Variants in SHANK2 observed in about 807,000 individuals in gnomAD.
The protein encoded by SHANK2 is SH3 and multiple ankyrin repeat domains protein 2.
Under a neutral mutation model 133.7 loss-of-function variants are expected in SHANK2, and 43 were observed. The ratio of observed to expected loss-of-function variants is 0.32; its 90% CI spans 0.25 to 0.41. The LOEUF (loss-of-function observed/expected upper bound fraction) is 0.41, where lower values mean the gene tolerates loss of function less well. Among genes scored for constraint, SHANK2 ranks in the 10% least tolerant of loss-of-function variants. The pLI is 1.00. For synonymous variants in SHANK2, 1,017 were observed against 952.8 expected, an observed-to-expected ratio of 1.07 and a Z score of -1.24; for missense variants, 1,994 against 2,235.8, an observed-to-expected ratio of 0.89 and a Z score of 2.18.
chr11:71,191,970 C>T (rs797035512), intron 2 of SHANK2, among the ~76,000 whole-genome samples: 16 of 152,292 alleles, frequency 1.1e-4, no homozygotes, highest in African/African-American at 2.9e-4. Flanking sequence ...AAGTGATTCT[C>T]CTGCCTCAGC....
intron 8 of SHANK2, among the ~76,000 whole-genome samples, chr11:71,076,610 A>T (rs1951223645): frequency 6.6e-6 from 1 of 151,224 alleles, no homozygotes; most frequent in Non-Finnish European, 1.5e-5. Flanking sequence ...TCATTAATTT[A>T]TAAAGTAGAT....
In SHANK2 at chr11:70,492,420, G is replaced by A; in HGVS notation, c.2354C>T (p.Ala785Val). ...IVPASKPSRA[A>V]ENMAVEPRVA... ...CCTCGGTTCCACAGCCATGTTCTCA[G>A]CAGCGCGGGAGGGCTTGGAGGCCGG... The change falls in exon 22 of 26, where the codon GCT (alanine) becomes GTT (valine). Residue 785 changes from alanine to valine, a missense_variant. By Grantham distance (64) the Ala-to-Val change is moderately conservative. This residue lies in a region of SHANK2 where 488 missense variants were observed against 642.6 expected (regional missense o/e 0.76). Coordinates refer to ENST00000601538, the MANE Select transcript of SHANK2 (RefSeq NM_012309.5). 8 of 1,613,960 alleles carry A rather than the reference G, an allele frequency of 5.0e-6. No individual in the cohort carries two copies. The highest frequency in any genetic ancestry group is 6.8e-6 in the Non-Finnish European group (8 of 1,180,032).
At chr11:70,898,273 T>G (rs1307887538) in intron 10 of SHANK2, among the ~76,000 whole-genome samples, 2 of 80,746 alleles carry the variant, frequency 2.5e-5, no homozygotes, top group African/African-American at 4.0e-5. Context: ...GCCAAATATA[T>G]ACACACACGC....
intron 3 of SHANK2, among the ~76,000 whole-genome samples, chr11:71,126,463 G>A (rs1952190302): frequency 6.6e-6 from 1 of 152,100 alleles, no homozygotes; most frequent in Admixed American, 6.5e-5. Context: ...ACGTTTTCAT[G>A]CTTGCATACA....
intron 5 of SHANK2, 136 bp downstream of exon 5, chr11:71,113,157 A>C (rs1951917623): frequency 2.5e-6 from 2 of 806,210 alleles, no homozygotes; most frequent in East Asian, 2.7e-5. Flanking sequence ...CTGCCTGTAC[A>C]TCCCAGCCCA....
At chr11:70,930,664 TTTTTTC>T (rs1413474582) in intron 10 of SHANK2, among the ~76,000 whole-genome samples, 2 of 123,842 alleles carry the variant, frequency 1.6e-5, no homozygotes, top group Non-Finnish European at 3.4e-5. Context: ...TTTGTCTTTT[TTTTTTC>T]TTTTTTTTTT....
chr11:71,242,245 C>T (rs776450532), intron 1 of SHANK2, among the ~76,000 whole-genome samples: 34 of 152,052 alleles, frequency 2.2e-4, no homozygotes, highest in Non-Finnish European at 3.5e-4. Context: ...GGCTGGTTTG[C>T]TAGTGTTTAG....
intron 14 of SHANK2, among the ~76,000 whole-genome samples, chr11:70,760,267 A>G (rs1946964669): frequency 6.6e-6 from 1 of 152,232 alleles, no homozygotes; most frequent in South Asian, 2.1e-4. Flanking sequence ...TTCAGCATAA[A>G]GCCCCGTTCC....
At chr11:71,083,662 G>A (rs972900862) in intron 8 of SHANK2, among the ~76,000 whole-genome samples, 3 of 152,142 alleles carry the variant, frequency 2.0e-5, no homozygotes, top group Admixed American at 6.5e-5. Context: ...GGAAGGTACC[G>A]GGGTTCAGCA....
At chr11:71,093,840 C>T (rs1189134582) in intron 7 of SHANK2, among the ~76,000 whole-genome samples, 6 of 152,152 alleles carry the variant, frequency 3.9e-5, no homozygotes, top group African/African-American at 1.2e-4. Flanking sequence ...TTAGGGACAG[C>T]GAGGCCCCCG....
chr11:70,800,517 C>A (rs541143026), intron 13 of SHANK2, among the ~76,000 whole-genome samples: 6 of 152,210 alleles, frequency 3.9e-5, no homozygotes, highest in Non-Finnish European at 8.8e-5. Flanking sequence ...TTCCTCTAGC[C>A]CTCATTTGAA....
chr11:71,158,260 A>G (rs1327105218), intron 2 of SHANK2, among the ~76,000 whole-genome samples: 1 of 152,238 alleles, frequency 6.6e-6, no homozygotes, highest in African/African-American at 2.4e-5. Flanking sequence ...TAGTTAAAAA[A>G]AAGTCCAGCA....
At position 70,487,866 on chromosome 11, in the gene SHANK2, C is replaced by A; in HGVS notation, c.2573-146G>T. On this transcript the variant is annotated intron_variant, in intron 24 of 25. Transcript: ENST00000601538. The surrounding 1 kb of genome is among the most constrained non-coding windows in gnomAD (Gnocchi z 5.8). ...AGGAAACACAGCACAAGCCACGATG[C>A]CGAGTGGTTAGTCACATGGCCCGTC... The A allele has an allele frequency of 1.3e-6, 2 of 1,489,624 alleles. No individual in the cohort carries two copies. The highest frequency in any genetic ancestry group is 1.2e-5 in the South Asian group (1 of 81,354). 92.3% of individuals were successfully genotyped at this position (1,489,624 alleles called of 1,614,324 possible).
chr11:70,539,401 G>A (rs1389626276), intron 17 of SHANK2, among the ~76,000 whole-genome samples: 2 of 152,100 alleles, frequency 1.3e-5, no homozygotes, highest in African/African-American at 4.8e-5. Context: ...ATGGGGGCCA[G>A]ACTCCGAGTC....
chr11:70,759,342 G>A lies in SHANK2; in HGVS notation c.1777+39101C>T, dbSNP rs568723764. 5.9e-4 allele frequency among the ~76,000 whole-genome samples: 89 copies of A among 151,830 alleles called. 1 individual carries two copies. Among genetic ancestry groups the A allele is most frequent in the Non-Finnish European group, 1.1e-3 (76 of 67,942 alleles). The stretch of plus-strand genomic sequence containing the variant: ...ACTAGTAAAAATACAAAAATTAGCC[G>A]GGCGTGGTGGCAGGTGCCTGTAATT... On this transcript the variant is annotated intron_variant, in intron 14 of 25. Transcript: ENST00000601538.
At chr11:70,617,090 T>G (rs1029479423) in intron 17 of SHANK2, among the ~76,000 whole-genome samples, 4 of 151,990 alleles carry the variant, frequency 2.6e-5, no homozygotes, top group Non-Finnish European at 5.9e-5. Context: ...TGTGTGTGTC[T>G]ATGAGAGTGT....
At chr11:71,228,898 C>T (rs1436817865) in intron 1 of SHANK2, among the ~76,000 whole-genome samples, 1 of 151,862 alleles carries the variant, frequency 6.6e-6, no homozygotes, top group Non-Finnish European at 1.5e-5. Context: ...AATTATATAC[C>T]ATGACTAAAT....
intron 16 of SHANK2, 129 bp downstream of exon 16, chr11:70,661,467 C>T: frequency 1.0e-6 from 1 of 1,001,188 alleles, no homozygotes; most frequent in East Asian, 2.4e-5. Flanking sequence ...AATGCTTATT[C>T]CTGAGCTGGG....
rs138458237 is a variant in SHANK2, at chr11:70,657,583, A to G, written c.2061+2245T>C. On this transcript the variant is annotated intron_variant, in intron 17 of 25. Transcript: ENST00000601538. ...CCAGCTGCCTGCACCCCGCACCCTC[A>G]TTAGTGTATGACTGGTGTGGAGCAG... Among the ~76,000 whole-genome samples, 541 of 152,296 alleles carry G rather than the reference A, an allele frequency of 3.6e-3. 14 individuals are homozygous for G. In the South Asian group the frequency reaches 0.052, roughly 15 times the overall value.
Sources: allele counts gnomAD v4.1 joint callset (sites outside exome capture counted in the v4.1 genomes callset), GRCh38; gene constraint gnomAD v4.1.1; regional missense constraint gnomAD v4.1.1; non-coding constraint Gnocchi (gnomAD v3.1); transcripts MANE v1.5; gene names NCBI Gene and HGNC (gene_info 2026-07-23, HGNC 2026-07-21).